Variants in MID1 observed in about 807,000 individuals in gnomAD.
MID1 encodes the protein E3 ubiquitin-protein ligase Midline-1.
Under a neutral mutation model 40.4 loss-of-function variants are expected in MID1, and 7 were observed. The ratio of observed to expected loss-of-function variants is 0.17; its 90% CI spans 0.10 to 0.33. The LOEUF (loss-of-function observed/expected upper bound fraction) is 0.33, where lower values mean the gene tolerates loss of function less well. MID1 is among the 10% of genes least tolerant of loss of function. MID1 has a pLI of 1.00. For synonymous variants in MID1, 229 were observed against 221.2 expected (o/e 1.04, Z -0.31); for missense variants, 367 against 558.5 (o/e 0.66, Z 3.46).
intron 1 of MID1, among the ~76,000 whole-genome samples, chrX:10,775,638 A>G (rs1434199098): frequency 8.9e-6 from 1 of 111,855 alleles, no homozygotes; most frequent in East Asian, 2.8e-4. Context: ...CCCCTGCATC[A>G]GACAGAGGTA....
At chrX:10,532,771 G>T (rs1305521253) in intron 2 of MID1, among the ~76,000 whole-genome samples, 5 of 101,729 alleles carry the variant, frequency 4.9e-5, no homozygotes, top group African/African-American at 1.4e-4. Flanking sequence ...GCTAAGAATG[G>T]TTTTTTTTTT....
chrX:10,590,782 G>A (rs972176363), intron 1 of MID1, among the ~76,000 whole-genome samples: 6 of 111,806 alleles, frequency 5.4e-5, no homozygotes, highest in East Asian at 2.8e-4. Context: ...TGTAAAACAC[G>A]AATACAAGGC....
At chrX:10,822,295 G>T (rs1602598528) in intron 1 of MID1, among the ~76,000 whole-genome samples, 2 of 111,202 alleles carry the variant, frequency 1.8e-5, no homozygotes, top group South Asian at 3.7e-4. Context: ...CATATGCAGA[G>T]AACTGAAACT....
intron 2 of MID1, among the ~76,000 whole-genome samples, chrX:10,565,782 G>T (rs1210514949): frequency 9.3e-6 from 1 of 107,087 alleles, no homozygotes; most frequent in East Asian, 2.9e-4. Context: ...CTTCCCTAGT[G>T]CTTTCTATCC....
intron 1 of MID1, among the ~76,000 whole-genome samples, chrX:10,704,737 T>TACACACACACACACACACAC (rs1463296582): frequency 2.3e-5 from 2 of 86,727 alleles, no homozygotes; most frequent in African/African-American, 5.1e-5. Flanking sequence ...TATATATATA[T>TACACACACACACACACACAC]ATACACACAC....
chrX:10,707,475 AT>A, intron 1 of MID1, among the ~76,000 whole-genome samples: 1 of 112,196 alleles, frequency 8.9e-6, no homozygotes, highest in South Asian at 3.7e-4. Flanking sequence ...ACATCCAGCT[AT>A]ACTTTGCCAA....
chrX:10,608,159 T>A (rs1052189851), intron 1 of MID1, among the ~76,000 whole-genome samples: 2 of 112,326 alleles, frequency 1.8e-5, no homozygotes, highest in Non-Finnish European at 3.8e-5. Flanking sequence ...CTGGTGGGGA[T>A]GTAAAATGAT....
intron 2 of MID1, among the ~76,000 whole-genome samples, chrX:10,554,177 G>A (rs919177192): frequency 3.6e-5 from 4 of 112,239 alleles, no homozygotes; most frequent in Non-Finnish European, 7.5e-5. Context: ...ATCCTCCCAA[G>A]ATCCCTAATG....
intron 1 of MID1, among the ~76,000 whole-genome samples, chrX:10,759,502 C>G (rs1361910751): frequency 9.0e-6 from 1 of 111,115 alleles, no homozygotes; most frequent in Non-Finnish European, 1.9e-5. Flanking sequence ...CCTTCCTTCC[C>G]CTTTGTGATG....
At chrX:10,616,597 C>A (rs1177446203) in intron 1 of MID1, among the ~76,000 whole-genome samples, 1 of 112,565 alleles carries the variant, frequency 8.9e-6, no homozygotes, top group South Asian at 3.7e-4. Context: ...ATGCACTTAG[C>A]CTTAAAACTT....
At chrX:10,551,950 T>A (rs1241398206) in intron 2 of MID1, among the ~76,000 whole-genome samples, 1 of 110,848 alleles carries the variant, frequency 9.0e-6, no homozygotes, top group Non-Finnish European at 1.9e-5. Flanking sequence ...GCCTGGAATT[T>A]TTTTTTATTT....
At chrX:10,469,391 T>C in intron 7 of MID1, 1 of 1,022,243 alleles carries the variant, frequency 9.8e-7, no homozygotes, top group Non-Finnish European at 1.3e-6. Flanking sequence ...ACTATATATA[T>C]ATATTTGTTT....
chrX:10,821,685 T>C (rs1393771876), intron 1 of MID1, among the ~76,000 whole-genome samples: 1 of 112,948 alleles, frequency 8.9e-6, no homozygotes, highest in Non-Finnish European at 1.9e-5. Flanking sequence ...TCTTATTTTT[T>C]GATTTGTTAA....
At chrX:10,684,470 C>T in intron 1 of MID1, among the ~76,000 whole-genome samples, 1 of 102,293 alleles carries the variant, frequency 9.8e-6, no homozygotes. Flanking sequence ...GTGGCGTGAT[C>T]TCCGCTCACT....
At chrX:10,629,834 G>A (rs186608167) in intron 1 of MID1, among the ~76,000 whole-genome samples, 221 of 111,962 alleles carry the variant, frequency 2.0e-3, no homozygotes, top group Non-Finnish European at 3.1e-3. Flanking sequence ...TCTAGCCATC[G>A]ATTTCATTAG....
intron 1 of MID1, among the ~76,000 whole-genome samples, chrX:10,776,593 T>C (rs1170584366): frequency 2.7e-5 from 3 of 110,653 alleles, no homozygotes; most frequent in Admixed American, 1.9e-4. Context: ...AGGTCAGGTG[T>C]GGTGGCTCAT....
intron 5 of MID1, among the ~76,000 whole-genome samples, chrX:10,481,837 A>G (rs73492979): frequency 0.022 from 2,459 of 112,530 alleles, 52 homozygotes; most frequent in African/African-American, 0.076. Flanking sequence ...GTGTGCCGAA[A>G]AAATACTTAT....
At chrX:10,536,175 T>C (rs1328366827) in intron 2 of MID1, among the ~76,000 whole-genome samples, 3 of 111,610 alleles carry the variant, frequency 2.7e-5, no homozygotes, top group African/African-American at 9.8e-5. Context: ...CAGTGAGCCA[T>C]GATCGTGCCA....
intron 1 of MID1, among the ~76,000 whole-genome samples, chrX:10,688,900 C>CT (rs1319618471): frequency 9.0e-6 from 1 of 111,057 alleles, no homozygotes; most frequent in Non-Finnish European, 1.9e-5. Context: ...TATCCTCTGG[C>CT]TTTTTTCTGA....
Sources: gnomAD v4.1 joint callset for allele counts (sites outside exome capture counted in the v4.1 genomes callset) on GRCh38, gnomAD v4.1.1 for gene constraint, MANE v1.5 for transcripts, NCBI Gene and HGNC (gene_info 2026-07-23, HGNC 2026-07-21) for gene names.